Variants in ANKS1B observed in about 807,000 individuals in gnomAD.
ANKS1B encodes the protein ankyrin repeat and sterile alpha motif domain-containing protein 1B.
A neutral mutation model predicts 148.3 loss-of-function variants in ANKS1B; 36 were observed. That is an observed-to-expected ratio of 0.24 (90% CI 0.19 to 0.32). The LOEUF (loss-of-function observed/expected upper bound fraction) is 0.32. Among genes scored for constraint, ANKS1B ranks in the 10% least tolerant of loss-of-function variants. The probability of loss-of-function intolerance (pLI) is 1.00; values close to 1 mark genes in which losing one functional copy is unlikely to be tolerated. For synonymous variants in ANKS1B, 542 were observed against 560.8 expected (o/e 0.97, Z 0.47); for missense variants, 1,157 against 1,542.6 (o/e 0.75, Z 4.19).
At chr12:99,864,891 T>C (rs1271075770) in intron 1 of ANKS1B, among the ~76,000 whole-genome samples, 1 of 152,230 alleles carries the variant, frequency 6.6e-6, no homozygotes, top group Non-Finnish European at 1.5e-5. Context: ...GATCCTGAGT[T>C]AGTACAGACA....
At chr12:99,315,514 T>TCTCAC (rs1332070327) in intron 12 of ANKS1B, among the ~76,000 whole-genome samples, 2 of 152,268 alleles carry the variant, frequency 1.3e-5, no homozygotes, top group Admixed American at 1.3e-4. Context: ...CACAATGAGA[T>TCTCAC]ACCATCTCAC....
intron 1 of ANKS1B, among the ~76,000 whole-genome samples, chr12:99,830,472 C>T (rs1255312836): frequency 1.3e-5 from 2 of 151,590 alleles, no homozygotes; most frequent in Non-Finnish European, 2.9e-5. Flanking sequence ...AATTGTGAAA[C>T]AAGAAGTAAT....
intron 15 of ANKS1B, among the ~76,000 whole-genome samples, chr12:99,144,001 C>T (rs2153804453): frequency 6.6e-6 from 1 of 152,148 alleles, no homozygotes; most frequent in South Asian, 2.1e-4. Flanking sequence ...CTTTCTATAA[C>T]TAAGTTTTGC....
intron 19 of ANKS1B, among the ~76,000 whole-genome samples, chr12:98,821,294 A>C (rs2099188253): frequency 6.6e-6 from 1 of 152,226 alleles, no homozygotes; most frequent in South Asian, 2.1e-4. Context: ...ACAATCTCAG[A>C]ATTCCAAAGT....
chr12:99,960,452 C>T (rs1181892306), intron 1 of ANKS1B, among the ~76,000 whole-genome samples: 1 of 152,206 alleles, frequency 6.6e-6, no homozygotes, highest in Non-Finnish European at 1.5e-5. Flanking sequence ...TCTCTTTAGT[C>T]ACAGAGCATT....
chr12:99,304,639 T>C (rs190458789), intron 12 of ANKS1B, among the ~76,000 whole-genome samples: 19 of 152,274 alleles, frequency 1.2e-4, no homozygotes, highest in Admixed American at 5.2e-4. Context: ...ATTCTAATGA[T>C]GCACATTTTC....
At chr12:98,837,893 A>G (rs1228457616) in intron 17 of ANKS1B, among the ~76,000 whole-genome samples, 1 of 152,188 alleles carries the variant, frequency 6.6e-6, no homozygotes, top group East Asian at 1.9e-4. Flanking sequence ...TGATTATAAT[A>G]GCTATACTGC....
At chr12:99,226,722 T>C (rs1055355949) in intron 14 of ANKS1B, among the ~76,000 whole-genome samples, 4 of 151,996 alleles carry the variant, frequency 2.6e-5, no homozygotes, top group Admixed American at 2.6e-4. Context: ...GGTAATTGGG[T>C]GAGAAGTTAG....
At chr12:99,224,484 A>G (rs2085572982) in intron 14 of ANKS1B, among the ~76,000 whole-genome samples, 1 of 152,070 alleles carries the variant, frequency 6.6e-6, no homozygotes, top group Non-Finnish European at 1.5e-5. Flanking sequence ...CTGGTTGTTT[A>G]AAAGTATGCA....
At chr12:99,476,167 CG>C (rs1789563740) in intron 10 of ANKS1B, among the ~76,000 whole-genome samples, 1 of 152,056 alleles carries the variant, frequency 6.6e-6, no homozygotes, top group African/African-American at 2.4e-5. Context: ...CTGAGGCAAG[CG>C]GATTACTTGA....
chr12:99,617,514 T>C (rs1258147537), intron 9 of ANKS1B, among the ~76,000 whole-genome samples: 1 of 60,810 alleles, frequency 1.6e-5, no homozygotes, highest in African/African-American at 6.9e-5. Context: ...GAAACCATCA[T>C]TCTCAGCAAA....
intron 15 of ANKS1B, among the ~76,000 whole-genome samples, chr12:99,089,529 A>G (rs1316019508): frequency 6.6e-6 from 1 of 152,256 alleles, no homozygotes; most frequent in East Asian, 1.9e-4. Context: ...TCCATTAGAC[A>G]GTGCTACTCT....
At chr12:99,135,996 A>G (rs2067916093) in intron 15 of ANKS1B, among the ~76,000 whole-genome samples, 1 of 152,230 alleles carries the variant, frequency 6.6e-6, no homozygotes, top group South Asian at 2.1e-4. Flanking sequence ...TCAGAAAAAC[A>G]GATAGTATGA....
chr12:99,551,660 T>TA (rs949133843), intron 9 of ANKS1B, among the ~76,000 whole-genome samples: 30 of 152,014 alleles, frequency 2.0e-4, no homozygotes, highest in Non-Finnish European at 4.0e-4. Context: ...AGCTATGTCT[T>TA]AGAGTGGCAG....
chr12:99,866,479 T>C (rs61940317), intron 1 of ANKS1B, among the ~76,000 whole-genome samples: 30,369 of 152,120 alleles, frequency 0.2, 3,305 homozygotes, highest in Non-Finnish European at 0.25. Flanking sequence ...ATTTTCTTCA[T>C]AATTGGGCCA....
At chr12:98,873,446 AAG>A (rs2099677798) in intron 17 of ANKS1B, among the ~76,000 whole-genome samples, 1 of 152,240 alleles carries the variant, frequency 6.6e-6, no homozygotes, top group Non-Finnish European at 1.5e-5. Context: ...TTTGTTGAGA[AAG>A]AGAAGTATTA....
chr12:98,784,449 G>T, intron 22 of ANKS1B, among the ~76,000 whole-genome samples: 1 of 152,178 alleles, frequency 6.6e-6, no homozygotes, highest in East Asian at 1.9e-4. Flanking sequence ...GGACTAACAA[G>T]GCCTAAAATG....
chr12:99,769,358 G>T (rs1216235614), intron 8 of ANKS1B, among the ~76,000 whole-genome samples: 1 of 152,090 alleles, frequency 6.6e-6, no homozygotes, highest in Non-Finnish European at 1.5e-5. Flanking sequence ...TGGTATCTGA[G>T]GGCATCAGTA....
intron 9 of ANKS1B, among the ~76,000 whole-genome samples, chr12:99,613,047 C>T (rs2097915488): frequency 6.6e-6 from 1 of 152,056 alleles, no homozygotes; most frequent in South Asian, 2.1e-4. Flanking sequence ...AGCATAGCAT[C>T]CTTGAACTGG....
Sources: gnomAD v4.1 joint callset for allele counts (sites outside exome capture counted in the v4.1 genomes callset) on GRCh38, gnomAD v4.1.1 for gene constraint, MANE v1.5 for transcripts, NCBI Gene and HGNC (gene_info 2026-07-23, HGNC 2026-07-21) for gene names.